The following ARHGAP26 variants were observed in gnomAD, a reference collection of about 807,000 sequenced individuals.
ARHGAP26 encodes the protein rho GTPase-activating protein 26.
Under a neutral mutation model 104.8 loss-of-function variants are expected in ARHGAP26, and 38 were observed. That is an observed-to-expected ratio of 0.36 (90% CI 0.28 to 0.48). ARHGAP26 has a LOEUF of 0.48. Ranked by LOEUF, ARHGAP26 falls within the 20% of genes least tolerant of loss-of-function variation. The probability of loss-of-function intolerance (pLI) is 0.99; values close to 1 mark genes in which losing one functional copy is unlikely to be tolerated. For synonymous variants in ARHGAP26, 341 were observed against 340.0 expected (o/e 1.00, Z -0.03); for missense variants, 704 against 947.9 (o/e 0.74, Z 3.38).
At chr5:143,183,642 T>A (rs891248989) in intron 20 of ARHGAP26, among the ~76,000 whole-genome samples, 5 of 152,204 alleles carry the variant, frequency 3.3e-5, no homozygotes, top group African/African-American at 9.7e-5. Flanking sequence ...AAGCAGCAGC[T>A]GCATTCACCA....
chr5:142,778,965 G>A (rs1756926498), intron 1 of ARHGAP26, among the ~76,000 whole-genome samples: 1 of 151,716 alleles, frequency 6.6e-6, no homozygotes, highest in African/African-American at 2.4e-5. Flanking sequence ...AACTTAGTGT[G>A]TGTGTATGTG....
At chr5:143,009,299 G>A (rs1302333279) in intron 11 of ARHGAP26, among the ~76,000 whole-genome samples, 2 of 152,118 alleles carry the variant, frequency 1.3e-5, no homozygotes, top group Non-Finnish European at 2.9e-5. Flanking sequence ...ATCATCGTCA[G>A]CATCATCATC....
intron 12 of ARHGAP26, among the ~76,000 whole-genome samples, chr5:143,024,076 A>G (rs1780706216): frequency 6.6e-6 from 1 of 152,156 alleles, no homozygotes; most frequent in Admixed American, 6.5e-5. Flanking sequence ...CTTGAATTAC[A>G]TTTAGTTGAG....
chr5:142,996,605 TC>T (rs1370746498), intron 11 of ARHGAP26, among the ~76,000 whole-genome samples: 1 of 152,212 alleles, frequency 6.6e-6, no homozygotes, highest in African/African-American at 2.4e-5. Context: ...AGTGGCTTGT[TC>T]ACAGGTTTTA....
rs1018137893 is a variant in ARHGAP26, at chr5:143,223,753, G to T, written c.*1307G>T. On this transcript the variant is annotated 3_prime_UTR_variant, in exon 23 of 23. Coordinates refer to ENST00000645722, the MANE Select transcript of ARHGAP26 (RefSeq NM_001135608.3). Reference sequence around the variant, plus strand: ...GCTTGAGACTAATATAGGCCATTGTGATTCAGGAAGAAACCCAAGGTTGGA... The same window carrying T: ...GCTTGAGACTAATATAGGCCATTGTTATTCAGGAAGAAACCCAAGGTTGGA... 1 of 231,956 alleles carries T rather than the reference G, an allele frequency of 4.3e-6. No individual in the cohort carries two copies. The highest frequency in any genetic ancestry group is 8.5e-6 in the Non-Finnish European group (1 of 117,072). 14.4% of individuals were successfully genotyped at this position (231,956 alleles called of 1,614,324 possible). A position where few individuals can be genotyped will look rare whatever the true frequency, so the allele number is the denominator to read the frequency against.
chr5:142,896,613 A>C (rs1273835387), intron 6 of ARHGAP26, among the ~76,000 whole-genome samples: 1 of 152,004 alleles, frequency 6.6e-6, no homozygotes, highest in Non-Finnish European at 1.5e-5. Flanking sequence ...TTCTTTCTTG[A>C]GAAAAGAAAT....
In ARHGAP26 at chr5:142,943,404, T is replaced by C. The variant is rs187882363; in HGVS notation, c.1107+11279T>C. ...TCAAGGCACCATCAAATTTGGTGTC[T>C]AGTTAGGGCCTATTTTCTGATTCAT... On this transcript the variant is annotated intron_variant, in intron 11 of 22. Coordinates refer to ENST00000645722, the MANE Select transcript of ARHGAP26 (RefSeq NM_001135608.3). 4.6e-5 allele frequency among the ~76,000 whole-genome samples: 7 copies of C among 152,330 alleles called. No individual in the cohort carries two copies. In the East Asian group the frequency reaches 1.3e-3, roughly 29 times the overall value.
At chr5:143,057,488 G>T (rs1382067217) in intron 16 of ARHGAP26, among the ~76,000 whole-genome samples, 154 bp from the exon 17 acceptor site, 8 of 152,158 alleles carry the variant, frequency 5.3e-5, no homozygotes, top group Non-Finnish European at 8.8e-5. Context: ...ATCTAGTCAT[G>T]CTGGCCACGC....
At chr5:143,166,987 C>A (rs1802041784) in intron 20 of ARHGAP26, among the ~76,000 whole-genome samples, 1 of 152,150 alleles carries the variant, frequency 6.6e-6, no homozygotes, top group African/African-American at 2.4e-5. Flanking sequence ...GTCATAAAAG[C>A]TGTAATAATA....
At position 143,037,243 on chromosome 5, in the gene ARHGAP26, C is replaced by T. The variant is rs753572567; in HGVS notation, c.1192C>T (p.His398Tyr). 1 of 1,601,508 alleles carries T rather than the reference C, an allele frequency of 6.2e-7. No homozygotes were observed. The highest frequency in any genetic ancestry group is 1.1e-5 in the South Asian group (1 of 89,950). Reference sequence around the variant, plus strand: ...CTTCAGCATAATCAGGAAATGCATCCATGCTGTGGAAACCAGAGGTAAAGT... The same window carrying T: ...CTTCAGCATAATCAGGAAATGCATCTATGCTGTGGAAACCAGAGGTAAAGT... ...IGFSIIRKCIHAVETRGINEQ... is the reference protein window; with the variant it reads ...IGFSIIRKCIYAVETRGINEQ... The change falls in exon 13 of 23, where the codon CAT (histidine) becomes TAT (tyrosine). Residue 398 changes from histidine (H) to tyrosine (Y), a missense_variant. Around this residue, in one of 6 missense-constraint regions of ARHGAP26, gnomAD observed 287 missense variants for 438.8 expected, o/e 0.65. Coordinates refer to ENST00000645722, the MANE Select transcript of ARHGAP26 (RefSeq NM_001135608.3).
chr5:142,787,202 T>C (rs1758848904), intron 1 of ARHGAP26, among the ~76,000 whole-genome samples: 1 of 152,214 alleles, frequency 6.6e-6, no homozygotes, highest in African/African-American at 2.4e-5. Flanking sequence ...TTTCTACCTC[T>C]CTAATGGGAC....
chr5:143,014,264 C>A, intron 12 of ARHGAP26, 148 bp downstream of exon 12: 1 of 799,376 alleles, frequency 1.3e-6, no homozygotes, highest in South Asian at 1.5e-5. Context: ...GCCTCCACCC[C>A]AACTTTCCGC....
At chr5:142,887,314 CTG>C (rs1444944149) in intron 5 of ARHGAP26, among the ~76,000 whole-genome samples, 1 of 152,186 alleles carries the variant, frequency 6.6e-6, no homozygotes, top group Non-Finnish European at 1.5e-5. Flanking sequence ...TGTATTTACT[CTG>C]TGACCTAGGG....
At chr5:143,137,877 C>G (rs538122653) in intron 19 of ARHGAP26, among the ~76,000 whole-genome samples, 26 of 152,158 alleles carry the variant, frequency 1.7e-4, no homozygotes, top group Non-Finnish European at 8.8e-5. Flanking sequence ...AGTTGGAGCC[C>G]ACTGTTTGCT....
chr5:143,214,840 C>A (rs1439012040), intron 22 of ARHGAP26, among the ~76,000 whole-genome samples: 1 of 152,238 alleles, frequency 6.6e-6, no homozygotes, highest in African/African-American at 2.4e-5. Context: ...TACCCCAGAA[C>A]TGCATGTGGG....
Position 142,863,196 on chromosome 5 carries a change from C to T in ARHGAP26, c.155-10204C>T, listed in dbSNP as rs527720367. 7.9e-5 allele frequency among the ~76,000 whole-genome samples: 12 copies of T among 151,956 alleles called. No homozygotes were observed. The East Asian group carries it at 1.9e-3, about 25-fold the overall frequency. On this transcript the variant is annotated intron_variant, in intron 1 of 22. Transcript: ENST00000645722. ...CACGATCTCGGCTCACTGCAAGCCC[C>T]GCCTCCTGGGTTCAAGCGATTCTCC...
chr5:143,111,611 A>C (rs1346886886), intron 17 of ARHGAP26, among the ~76,000 whole-genome samples: 1 of 152,208 alleles, frequency 6.6e-6, no homozygotes, highest in East Asian at 1.9e-4. Context: ...ACAGGCAGGA[A>C]ATAAAGGAAT....
chr5:142,923,746 T>G (rs1424318782), intron 10 of ARHGAP26, among the ~76,000 whole-genome samples: 4 of 152,218 alleles, frequency 2.6e-5, no homozygotes, highest in African/African-American at 9.6e-5. Flanking sequence ...TACCTACTTT[T>G]TAGACTATTA....
chr5:142,858,424 G>A (rs1561963961), intron 1 of ARHGAP26, among the ~76,000 whole-genome samples: 2 of 152,188 alleles, frequency 1.3e-5, no homozygotes, highest in Non-Finnish European at 2.9e-5. Flanking sequence ...CTAAGCCTAG[G>A]AAATGGTGTT....
Sources: gnomAD v4.1 joint callset for allele counts (sites outside exome capture counted in the v4.1 genomes callset) on GRCh38, gnomAD v4.1.1 for gene constraint, gnomAD v4.1.1 regional missense constraint, MANE v1.5 for transcripts, NCBI Gene and HGNC (gene_info 2026-07-23, HGNC 2026-07-21) for gene names.